The following SEC61A2 variants were observed in gnomAD, a reference collection of about 807,000 sequenced individuals.
The protein encoded by SEC61A2 is protein transport protein Sec61 subunit alpha isoform 2.
Under a neutral mutation model 59.9 loss-of-function variants are expected in SEC61A2, and 28 were observed. The observed-to-expected ratio is 0.47, with a 90% CI of 0.35 to 0.64. SEC61A2 has a LOEUF of 0.64. Among genes scored for constraint, SEC61A2 ranks in the 30% least tolerant of loss-of-function variants. The pLI is 0.01. For synonymous variants in SEC61A2, 202 were observed against 214.4 expected, an observed-to-expected ratio of 0.94 and a Z score of 0.50; for missense variants, 340 against 585.9, an observed-to-expected ratio of 0.58 and a Z score of 4.33.
chr10:12,147,901 A>G (rs1834179597), intron 4 of SEC61A2, among the ~76,000 whole-genome samples: 1 of 151,986 alleles, frequency 6.6e-6, no homozygotes, highest in Non-Finnish European at 1.5e-5. Flanking sequence ...TTGCAATAAT[A>G]AATTTTGGTG....
intron 2 of SEC61A2, among the ~76,000 whole-genome samples, chr10:12,133,822 C>T (rs188298114): frequency 7.2e-5 from 11 of 152,250 alleles, no homozygotes; most frequent in African/African-American, 2.4e-4. Context: ...TGGGTCAAAT[C>T]GTTCTTCCAT....
Position 12,164,696 on chromosome 10 carries a change from G to A in SEC61A2, c.*242G>A. ...ACATCTAGTGTTGCCTGTAATGCTG[G>A]AAACCAGTGTATCTACCTTGCTGTG... On this transcript the variant is annotated 3_prime_UTR_variant, in exon 12 of 12. Coordinates refer to ENST00000298428, the MANE Select transcript of SEC61A2 (RefSeq NM_018144.4). The surrounding 1 kb of genome is among the most constrained non-coding windows in gnomAD (Gnocchi z 7.3). The A allele has an allele frequency of 7.8e-7, 1 of 1,288,464 alleles. No individual in the cohort carries two copies. 79.8% of individuals were successfully genotyped at this position (1,288,464 alleles called of 1,614,324 possible). A position where few individuals can be genotyped will look rare whatever the true frequency, so the allele number is the denominator to read the frequency against.
chr10:12,160,315 C>A lies in SEC61A2; in HGVS notation c.976-615C>A, dbSNP rs1316170607. Among the ~76,000 whole-genome samples, 1 of 152,204 alleles carries A rather than the reference C, an allele frequency of 6.6e-6. No homozygotes were observed. The highest frequency in any genetic ancestry group is 2.4e-5 in the African/African-American group (1 of 41,446). On this transcript the variant is annotated intron_variant, in intron 9 of 11. Transcript: ENST00000298428. The surrounding 1 kb of genome is among the most constrained non-coding windows in gnomAD (Gnocchi z 4.1). ...AAATTCAAGAACCAGATACTGTAAT[C>A]ATCGCAACTAAAAATTGGTTTCTCA...
chr10:12,135,706 CCA>C (rs1241457679), intron 2 of SEC61A2, among the ~76,000 whole-genome samples: 2 of 152,176 alleles, frequency 1.3e-5, no homozygotes, highest in East Asian at 1.9e-4. Context: ...AAGTGAGAGC[CCA>C]CAGTGTTTGA....
At position 12,132,656 on chromosome 10, in the gene SEC61A2, A is replaced by ATT. The variant is rs34211090; in HGVS notation, c.8-579_8-578dup. On this transcript the variant is annotated intron_variant, in intron 1 of 11. Transcript: ENST00000298428. Reference sequence around the variant, plus strand: ...GTTAACTATAGGAGGTGATTCCATGATTTTTTTGTCACCTATGCATTTCGG... The same window carrying ATT: ...GTTAACTATAGGAGGTGATTCCATGATTTTTTTTTGTCACCTATGCATTTCGG... Among the ~76,000 whole-genome samples, 76 of 150,580 alleles carry ATT rather than the reference A, an allele frequency of 5.0e-4. 1 individual carries two copies. The highest frequency in any genetic ancestry group is 8.8e-4 in the Non-Finnish European group (60 of 67,802).
Position 12,155,751 on chromosome 10 carries a change from C to T in SEC61A2, c.463-27C>T, listed in dbSNP as rs755316608. The T allele has an allele frequency of 1.1e-5, 17 of 1,613,300 alleles. No homozygotes were observed. Among genetic ancestry groups the T allele is most frequent in the Admixed American group, 8.3e-5 (5 of 59,982 alleles). On this transcript the variant is annotated intron_variant, in intron 6 of 11. Transcript: ENST00000298428. The surrounding 1 kb of genome is among the most constrained non-coding windows in gnomAD (Gnocchi z 4.3). ...CCTTTCTTGAGTTTGTTCTTGCTTC[C>T]GCTTACTTGCATTTCTTTCCCCACA...
intron 2 of SEC61A2, among the ~76,000 whole-genome samples, chr10:12,133,728 A>G (rs578033915): frequency 1.3e-5 from 2 of 152,364 alleles, no homozygotes; most frequent in Non-Finnish European, 2.9e-5. Context: ...AATGAATTGC[A>G]TTTGCACAAA....
Position 12,160,811 on chromosome 10 carries a change from AC to A in SEC61A2, c.976-118del, listed in dbSNP as rs1680263489. 1 of 771,584 alleles carries A rather than the reference AC, an allele frequency of 1.3e-6. No individual in the cohort carries two copies. 47.8% of individuals were successfully genotyped at this position (771,584 alleles called of 1,614,324 possible). A position where few individuals can be genotyped will look rare whatever the true frequency, so the allele number is the denominator to read the frequency against. On this transcript the variant is annotated intron_variant, in intron 9 of 11. Coordinates refer to ENST00000298428, the MANE Select transcript of SEC61A2 (RefSeq NM_018144.4). This position sits in a 1 kb window ranked among gnomAD's most constrained non-coding sequence, Gnocchi z 4.1. ...GTACATTCTGAAACTACATAGAATGACTAGCTGTAGATGCCTTGAACTTAAA... is the reference window on the plus strand; with the variant it reads ...GTACATTCTGAAACTACATAGAATGATAGCTGTAGATGCCTTGAACTTAAA...
chr10:12,136,212 C>G (rs371137737), intron 3 of SEC61A2, 42 bp downstream of exon 3: 58 of 1,282,238 alleles, frequency 4.5e-5, no homozygotes, highest in Non-Finnish European at 6.2e-5. Context: ...CACCATTGTT[C>G]TAAGGTTTTG....
rs1834232208 is a variant in SEC61A2 at position 12,149,738 on chromosome 10, T to C, written c.352+12T>C. The C allele has an allele frequency of 6.2e-7, 1 of 1,609,124 alleles. No individual in the cohort carries two copies. Among genetic ancestry groups the C allele is most frequent in the African/African-American group, 1.3e-5 (1 of 74,690 alleles). On this transcript the variant is annotated intron_variant, in intron 5 of 11. Coordinates refer to ENST00000298428, the MANE Select transcript of SEC61A2 (RefSeq NM_018144.4). This position sits in a 1 kb window ranked among gnomAD's most constrained non-coding sequence, Gnocchi z 5.2. ...TGGAGCCCAGAAACGTGAGCATTAA[T>C]GCAATTAAAGAGCATTCTCCAAATT...
At position 12,129,717 on chromosome 10, in the gene SEC61A2, C is replaced by T. The variant is rs1380422152; in HGVS notation, c.-71C>T. 2.1e-6 allele frequency: 3 copies of T among 1,439,794 alleles called. No homozygotes were observed. The Admixed American group carries it at 7.0e-5, about 34-fold the overall frequency. The allele number at this position is 1,439,794 out of a possible 1,614,324, so 89.2% of individuals were successfully genotyped here. A position where few individuals can be genotyped will look rare whatever the true frequency, so the allele number is the denominator to read the frequency against. On this transcript the variant is annotated 5_prime_UTR_variant, in exon 1 of 12. Coordinates refer to ENST00000298428, the MANE Select transcript of SEC61A2 (RefSeq NM_018144.4). The surrounding 1 kb of genome is among the most constrained non-coding windows in gnomAD (Gnocchi z 5.6). ...TCGCGTCGGGAGCCGGTACCGAGGC[C>T]CGAGCCGCGGGAGTCGAGCGAAGGC...
rs538348412 is a variant in SEC61A2, at chr10:12,131,668, C to T, written c.8-1573C>T. Among the ~76,000 whole-genome samples the T allele has an allele frequency of 3.3e-3, 400 of 121,534 alleles. 3 individuals carry two copies. The highest frequency in any genetic ancestry group is 5.6e-3 in the Middle Eastern group (1 of 180). The allele number at this position is 121,534 out of a possible 152,430, so 79.7% of individuals were successfully genotyped here. On this transcript the variant is annotated intron_variant, in intron 1 of 11. Transcript: ENST00000298428. ...TGAAATGTGGTCTGATGAAATCAAA[C>T]AGAGATTACATACCTTTTTTTTTTT...
chr10:12,131,185 CAT>C (rs758524825), intron 1 of SEC61A2, among the ~76,000 whole-genome samples: 28 of 152,128 alleles, frequency 1.8e-4, no homozygotes, highest in Non-Finnish European at 4.1e-4. Flanking sequence ...AATAAACAAA[CAT>C]ATATCGGTGA....
intron 6 of SEC61A2, among the ~76,000 whole-genome samples, chr10:12,151,458 C>T (rs1045417866): frequency 1.3e-5 from 2 of 150,018 alleles, no homozygotes; most frequent in East Asian, 2.0e-4. Context: ...ACTACAGGCG[C>T]GCGCCACCAT....
Position 12,158,103 on chromosome 10 carries a change from G to A in SEC61A2, c.973G>A (p.Ala325Thr). 6.2e-7 allele frequency: 1 copy of A among 1,605,090 alleles called. No individual in the cohort carries two copies. Among genetic ancestry groups the A allele is most frequent in the Non-Finnish European group, 8.5e-7 (1 of 1,171,848 alleles). Reference protein sequence around the residue: ...NFLVNLLGQWADVSGGGPARS... With the variant: ...NFLVNLLGQWTDVSGGGPARS... The stretch of plus-strand genomic sequence containing the variant: ...TTTAGTAAATTTACTAGGACAGTGG[G>A]CCGTGAGTATTATGTTTATTTACAT... The change falls in exon 9 of 12, where the codon GCC (alanine) becomes ACC (threonine). Residue 325 changes from alanine (A) to threonine (T), a missense_variant and splice_region_variant. Ala to Thr is a moderately conservative substitution (Grantham distance 58). Coordinates refer to ENST00000298428, the MANE Select transcript of SEC61A2 (RefSeq NM_018144.4). The surrounding 1 kb of genome is among the most constrained non-coding windows in gnomAD (Gnocchi z 5.7).
chr10:12,162,765 C>A lies in SEC61A2; in HGVS notation c.1244+476C>A, dbSNP rs1485908240. ...TAAGTTTAAACACATTTTCACCACC[C>A]AGAAAGAAACCCTGTACCTACTAGC... is the stretch of plus-strand genomic sequence containing the variant. On this transcript the variant is annotated intron_variant, in intron 11 of 11. Transcript: ENST00000298428. This position sits in a 1 kb window ranked among gnomAD's most constrained non-coding sequence, Gnocchi z 6.1. 2.0e-5 allele frequency among the ~76,000 whole-genome samples: 3 copies of A among 152,158 alleles called. No homozygotes were observed. The highest frequency in any genetic ancestry group is 4.4e-5 in the Non-Finnish European group (3 of 68,018).
At chr10:12,134,838 A>G (rs1564406510) in intron 2 of SEC61A2, among the ~76,000 whole-genome samples, 2 of 151,814 alleles carry the variant, frequency 1.3e-5, no homozygotes, top group Non-Finnish European at 2.9e-5. Context: ...GAATCGCTTG[A>G]ACCTGGGGTG....
chr10:12,136,522 C>T (rs1273604533), intron 3 of SEC61A2, among the ~76,000 whole-genome samples: 2 of 152,224 alleles, frequency 1.3e-5, no homozygotes, highest in African/African-American at 2.4e-5. Context: ...GATCTCAGCT[C>T]ACTGCAACCT....
At position 12,161,649 on chromosome 10, in the gene SEC61A2, GA is replaced by G. The variant is rs1376408148; in HGVS notation, c.1167+529del. Among the ~76,000 whole-genome samples the G allele has an allele frequency of 6.6e-6, 1 of 151,990 alleles. No individual in the cohort carries two copies. Among genetic ancestry groups the G allele is most frequent in the South Asian group, 2.1e-4 (1 of 4,826 alleles). On this transcript the variant is annotated intron_variant, in intron 10 of 11. Coordinates refer to ENST00000298428, the MANE Select transcript of SEC61A2 (RefSeq NM_018144.4). The surrounding 1 kb of genome is among the most constrained non-coding windows in gnomAD (Gnocchi z 5.4). Reference sequence around the variant, plus strand: ...CCAGCCACTCAGGAGGCTGAGGCAGGAGAATCGCTTGAACCTGGGAGTCGGA... The same window carrying G: ...CCAGCCACTCAGGAGGCTGAGGCAGGGAATCGCTTGAACCTGGGAGTCGGA...
Sources: gnomAD v4.1 joint callset for allele counts (sites outside exome capture counted in the v4.1 genomes callset) on GRCh38, gnomAD v4.1.1 for gene constraint, Gnocchi (gnomAD v3.1) non-coding constraint, MANE v1.5 for transcripts, NCBI Gene and HGNC (gene_info 2026-07-23, HGNC 2026-07-21) for gene names.